Variants in UNC13A observed in about 807,000 individuals in gnomAD.
UNC13A encodes the protein unc-13 homolog A.
A neutral mutation model predicts 219.7 loss-of-function variants in UNC13A; 61 were observed. The ratio of observed to expected loss-of-function variants is 0.28; its 90% CI spans 0.23 to 0.34. The LOEUF is 0.34. UNC13A is among the 10% of genes least tolerant of loss of function. The probability of loss-of-function intolerance (pLI) is 1.00; values close to 1 mark genes in which losing one functional copy is unlikely to be tolerated. For missense variants in UNC13A, 1,476 were observed against 2,270.3 expected, an observed-to-expected ratio of 0.65 and a Z score of 7.11; for synonymous variants, 920 against 884.6, an observed-to-expected ratio of 1.04 and a Z score of -0.71.
rs2076969168 is a variant in UNC13A at position 17,641,476 on chromosome 19, C to T, written c.2553G>A (p.Lys851=). 2 of 1,614,162 alleles carry T rather than the reference C, an allele frequency of 1.2e-6. No homozygotes were observed. Among genetic ancestry groups the T allele is most frequent in the African/African-American group, 2.7e-5 (2 of 75,054 alleles). The change falls in exon 21 of 44, where the codon AAG becomes AAA. Residue 851 remains lysine, a synonymous_variant. Coordinates refer to ENST00000519716, the MANE Select transcript of UNC13A (RefSeq NM_001080421.3). The part of the protein sequence containing the change: ...IPDAKGDDAW[K]VYYDETAQEI... ...CCTGGGCTGTCTCATCGTAGTAAAC[C>T]TTCCAGGCATCGTCACCCTTGGCAT... is the stretch of plus-strand genomic sequence containing the variant.
intron 43 of UNC13A, 99 bp from the exon 44 acceptor site, chr19:17,606,453 G>A: frequency 6.9e-7 from 1 of 1,447,204 alleles, no homozygotes; most frequent in Non-Finnish European, 9.2e-7. Flanking sequence ...GCCCACACCG[G>A]GGTGCCCACA....
intron 43 of UNC13A, 76 bp from the exon 44 acceptor site, chr19:17,606,430 A>T: frequency 2.0e-6 from 3 of 1,500,312 alleles, no homozygotes; most frequent in Non-Finnish European, 1.8e-6. Flanking sequence ...TCCCCACCGC[A>T]TTTGCGGGCC....
At chr19:17,643,014 AAT>A in intron 19 of UNC13A, 54 bp from the exon 20 acceptor site, 1 of 1,468,958 alleles carries the variant, frequency 6.8e-7, no homozygotes, top group Non-Finnish European at 9.2e-7. Context: ...AGCAGTGGGC[AAT>A]TTTTTTTTTT....
chr19:17,679,471 G>A lies in UNC13A; in HGVS notation c.23-3430C>T, dbSNP rs541366099. The stretch of plus-strand genomic sequence containing the variant: ...AGATTTCCACTAGGGAGGGCAGGCA[G>A]GTGGAGGAGACACTGGGGAGAGGAG... On this transcript the variant is annotated intron_variant, in intron 1 of 43. Transcript: ENST00000519716. 2.0e-5 allele frequency among the ~76,000 whole-genome samples: 3 copies of A among 151,778 alleles called. No homozygotes were observed. In the South Asian group the frequency reaches 6.3e-4, roughly 32 times the overall value.
chr19:17,647,115 A>T (rs77373848), intron 17 of UNC13A, 150 bp downstream of exon 17: 18,969 of 727,646 alleles, frequency 0.026, 418 homozygotes, highest in Non-Finnish European at 0.031. Context: ...ATGTCCCCCC[A>T]TATGCGTGCA....
At chr19:17,668,533 C>T (rs78323522) in intron 5 of UNC13A, among the ~76,000 whole-genome samples, 1 of 152,196 alleles carries the variant, frequency 6.6e-6, no homozygotes, top group Non-Finnish European at 1.5e-5. Flanking sequence ...GTTGCCCAGG[C>T]TGGAGTGAAG....
intron 4 of UNC13A, 77 bp from the exon 5 acceptor site, chr19:17,669,753 GACA>G: frequency 6.7e-7 from 1 of 1,498,372 alleles, no homozygotes; most frequent in Non-Finnish European, 9.0e-7. Context: ...TCTCGCATGA[GACA>G]TCCCCCTCAC....
Position 17,668,793 on chromosome 19 carries a change from G to GT in UNC13A, c.395-604dup, listed in dbSNP as rs1400527049. ...CATGAGCCACCACGCCCAGCCCATT[G>GT]TTTTTATTTTTATTTTTTTAGAGAC... On this transcript the variant is annotated intron_variant, in intron 5 of 43. Coordinates refer to ENST00000519716, the MANE Select transcript of UNC13A (RefSeq NM_001080421.3). Among the ~76,000 whole-genome samples the GT allele has an allele frequency of 2.4e-4, 36 of 151,144 alleles. 1 individual carries two copies. Among genetic ancestry groups the GT allele is most frequent in the Non-Finnish European group, 1.2e-4 (8 of 67,740 alleles).
At chr19:17,657,020 C>G (rs896575237) in intron 9 of UNC13A, among the ~76,000 whole-genome samples, 6 of 152,096 alleles carry the variant, frequency 3.9e-5, no homozygotes, top group Non-Finnish European at 8.8e-5. Flanking sequence ...ATCCACTTCC[C>G]CGTACCCCGG....
chr19:17,626,576 T>G, intron 34 of UNC13A, 57 bp downstream of exon 34: 1 of 1,462,928 alleles, frequency 6.8e-7, no homozygotes, highest in Non-Finnish European at 9.1e-7. Context: ...TCCCTGGGTC[T>G]CTATGGCCCT....
chr19:17,639,993 AC>A, intron 22 of UNC13A, 85 bp from the exon 23 acceptor site: 1 of 1,267,010 alleles, frequency 7.9e-7, no homozygotes, highest in Non-Finnish European at 1.1e-6. Context: ...CAGTAAGTAT[AC>A]CTCATCCACC....
chr19:17,648,185 C>A (rs1219170410), intron 16 of UNC13A, among the ~76,000 whole-genome samples: 1 of 151,664 alleles, frequency 6.6e-6, no homozygotes, highest in Non-Finnish European at 1.5e-5. Flanking sequence ...CTGCCCCACC[C>A]CTCTCTGACA....
At chr19:17,676,295 C>T in intron 1 of UNC13A, 1 of 618,890 alleles carries the variant, frequency 1.6e-6, no homozygotes, top group Non-Finnish European at 3.0e-6. Context: ...AGAGAGAAGC[C>T]ATCAGACAGA....
At position 17,603,250 on chromosome 19, in the gene UNC13A, C is replaced by T. The variant is rs1165468612; in HGVS notation, c.*2804G>A. The T allele has an allele frequency of 6.6e-6, 1 of 152,054 alleles. No homozygotes were observed. Among genetic ancestry groups the T allele is most frequent in the African/African-American group, 2.4e-5 (1 of 41,336 alleles). 9.4% of individuals were successfully genotyped at this position (152,054 alleles called of 1,614,324 possible). A position where few individuals can be genotyped will look rare whatever the true frequency, so the allele number is the denominator to read the frequency against. On this transcript the variant is annotated 3_prime_UTR_variant, in exon 44 of 44. Coordinates refer to ENST00000519716, the MANE Select transcript of UNC13A (RefSeq NM_001080421.3). ...CACACACACACACGGAGGTCTTGAACAGAAAGACTCCTAAGGAATCTTTTG... is the reference window on the plus strand; with the variant it reads ...CACACACACACACGGAGGTCTTGAATAGAAAGACTCCTAAGGAATCTTTTG...
intron 34 of UNC13A, among the ~76,000 whole-genome samples, chr19:17,625,642 CATCT>C (rs2076774434): frequency 1.3e-5 from 2 of 152,116 alleles, no homozygotes; most frequent in Admixed American, 1.3e-4. Flanking sequence ...TCTGTCCATC[CATCT>C]ATGCATCAAA....
chr19:17,647,317 C>A lies in UNC13A; in HGVS notation c.1992G>T (p.Lys664Asn). Residue 664 changes from lysine (K) to asparagine (N), a missense_variant, in exon 17 of 44, where the codon AAG becomes AAT. Lys to Asn is a moderately conservative substitution (Grantham distance 94, BLOSUM62 0). Coordinates refer to ENST00000519716, the MANE Select transcript of UNC13A (RefSeq NM_001080421.3). ...TGGACGTGCCGTCCAGCACGCTCTG[C>A]TTGACCGCCTTCATCTGCTGCGTGT... Reference protein sequence around the residue: ...TAHTQQMKAVKQSVLDGTSKW... With the variant: ...TAHTQQMKAVNQSVLDGTSKW... 6.2e-7 allele frequency: 1 copy of A among 1,609,884 alleles called. No homozygotes were observed. Among genetic ancestry groups the A allele is most frequent in the Non-Finnish European group, 8.5e-7 (1 of 1,178,312 alleles).
At chr19:17,654,329 G>T (rs1282190002) in intron 11 of UNC13A, among the ~76,000 whole-genome samples, 3 of 152,088 alleles carry the variant, frequency 2.0e-5, no homozygotes, top group Non-Finnish European at 2.9e-5. Context: ...TGACCTAGTG[G>T]AAGTTATCCA....
intron 1 of UNC13A, among the ~76,000 whole-genome samples, chr19:17,686,190 C>T (rs2080104918): frequency 6.6e-6 from 1 of 151,432 alleles, no homozygotes; most frequent in Admixed American, 6.6e-5. Flanking sequence ...CCTCCCCCAA[C>T]GTCTCTGTTT....
intron 38 of UNC13A, among the ~76,000 whole-genome samples, chr19:17,619,921 A>G (rs2076709941): frequency 6.6e-6 from 1 of 152,214 alleles, no homozygotes; most frequent in Admixed American, 6.5e-5. Context: ...TCTGAGCCTC[A>G]GTTTTCCCAT....
Sources: gnomAD v4.1 joint callset for allele counts (sites outside exome capture counted in the v4.1 genomes callset) on GRCh38, gnomAD v4.1.1 for gene constraint, MANE v1.5 for transcripts, NCBI Gene and HGNC (gene_info 2026-07-23, HGNC 2026-07-21) for gene names.